Variants in DLC1 observed in about 807,000 individuals in gnomAD.
The protein encoded by DLC1 is DLC1 Rho GTPase activating protein.
A neutral mutation model predicts 140.3 loss-of-function variants in DLC1; 54 were observed. The observed-to-expected ratio is 0.38, with a 90% confidence interval of 0.31 to 0.48. The LOEUF is 0.48. Ranked by LOEUF, DLC1 falls within the 20% of genes least tolerant of loss-of-function variation. DLC1 has a pLI of 0.96. For synonymous variants in DLC1, 986 were observed against 728.1 expected, an observed-to-expected ratio of 1.35 and a Z score of -5.70; for missense variants, 2,536 against 1,907.0, an observed-to-expected ratio of 1.33 and a Z score of -6.14.
chr8:13,566,742 C>A, intron 1 of DLC1: 1 of 496,754 alleles, frequency 2.0e-6, no homozygotes, highest in East Asian at 3.2e-5. Context: ...ATCGCCAACC[C>A]GGCGCAAGCA....
chr8:13,411,305 AGTCTGAC>A (rs1563324903), intron 2 of DLC1, among the ~76,000 whole-genome samples: 1 of 152,232 alleles, frequency 6.6e-6, no homozygotes, highest in Non-Finnish European at 1.5e-5. Context: ...GAAAGAAGTC[AGTCTGAC>A]GAGCTATCTA....
chr8:13,352,543 G>T (rs926996563), intron 4 of DLC1, among the ~76,000 whole-genome samples: 1 of 151,842 alleles, frequency 6.6e-6, no homozygotes, highest in African/African-American at 2.4e-5. Flanking sequence ...CACCATGCCT[G>T]ACTCATTTTT....
intron 2 of DLC1, among the ~76,000 whole-genome samples, chr8:13,490,034 T>C (rs776556359): frequency 2.2e-4 from 21 of 94,718 alleles, no homozygotes; most frequent in Non-Finnish European, 4.1e-4. Context: ...CATGAAAGGC[T>C]CACAAAGGTT....
intron 2 of DLC1, among the ~76,000 whole-genome samples, chr8:13,479,197 A>G (rs1800571018): frequency 6.6e-6 from 1 of 152,214 alleles, no homozygotes; most frequent in African/African-American, 2.4e-5. Flanking sequence ...TAAGCACTTA[A>G]TATTTGTTTG....
chr8:13,572,182 C>G (rs1458802537), intron 1 of DLC1, among the ~76,000 whole-genome samples: 6 of 151,546 alleles, frequency 4.0e-5, no homozygotes, highest in Admixed American at 3.9e-4. Context: ...CTCCACCTCC[C>G]GGGTTCACAC....
chr8:13,416,637 C>G (rs186057857), intron 2 of DLC1, among the ~76,000 whole-genome samples: 1 of 152,210 alleles, frequency 6.6e-6, no homozygotes. Flanking sequence ...AAATCTCTAA[C>G]AAATAGGAAA....
At chr8:13,532,271 A>C (rs768695326) in intron 1 of DLC1, among the ~76,000 whole-genome samples, 1 of 152,112 alleles carries the variant, frequency 6.6e-6, no homozygotes, top group South Asian at 2.1e-4. Flanking sequence ...TCCTGTCTAA[A>C]AACAACAACA....
At position 13,385,969 on chromosome 8, in the gene DLC1, GTTA is replaced by G. The variant is rs1836503507; in HGVS notation, c.1314+7581_1314+7583del. Among the ~76,000 whole-genome samples the G allele has an allele frequency of 2.6e-5, 4 of 152,274 alleles. No individual in the cohort carries two copies. In the East Asian group the frequency reaches 5.8e-4, roughly 22 times the overall value. On this transcript the variant is annotated intron_variant, in intron 4 of 17. Coordinates refer to ENST00000276297, the MANE Select transcript of DLC1 (RefSeq NM_182643.3). ...TGAAGACTGTGAAAATGGCTTACCA[GTTA>G]TTATTACTCCTCAGTGCTATGAATT...
chr8:13,395,465 G>T (rs780317744), intron 3 of DLC1, among the ~76,000 whole-genome samples: 4 of 152,082 alleles, frequency 2.6e-5, no homozygotes, highest in African/African-American at 4.8e-5. Context: ...TCTATGCATC[G>T]CAAGAGTAAG....
chr8:13,573,238 T>A (rs1460630990), intron 1 of DLC1, among the ~76,000 whole-genome samples: 1 of 152,192 alleles, frequency 6.6e-6, no homozygotes, highest in Non-Finnish European at 1.5e-5. Flanking sequence ...TAAATTAAAT[T>A]TTTTTAAAAA....
chr8:13,503,004 A>C (rs1801888404), intron 1 of DLC1, among the ~76,000 whole-genome samples: 1 of 152,210 alleles, frequency 6.6e-6, no homozygotes, highest in East Asian at 1.9e-4. Flanking sequence ...GAAATTTCCA[A>C]ATTTGTGATA....
Position 13,098,465 on chromosome 8 carries a change from T to G in DLC1, c.3101A>C (p.Tyr1034Ser). 6.2e-7 allele frequency: 1 copy of G among 1,614,108 alleles called. No homozygotes were observed. The part of the protein sequence containing the change: ...SVAQMNLLQK[Y>S]SLLKLTALLE... ...CAGGGCCGTTAGCTTTAGGAGTGAG[T>G]ATTTCTGCAGCAGGTTCATCTGGGC... The change falls in exon 10 of 18, where the codon TAC (tyrosine) becomes TCC (serine). Residue 1034 changes from tyrosine (Y) to serine (S), a missense_variant. Transcript: ENST00000276297.
intron 2 of DLC1, among the ~76,000 whole-genome samples, chr8:13,497,163 T>C (rs1021713723): frequency 4.6e-5 from 7 of 152,194 alleles, no homozygotes; most frequent in African/African-American, 7.2e-5. Context: ...ACATGCAATA[T>C]AGTGATGAAC....
At chr8:13,602,522 G>A (rs905074480) in intron 1 of DLC1, among the ~76,000 whole-genome samples, 15 of 151,878 alleles carry the variant, frequency 9.9e-5, no homozygotes, top group African/African-American at 2.6e-4. Context: ...ATGACATGAT[G>A]TCTAGGGTTT....
chr8:13,530,929 G>A (rs921793775), intron 1 of DLC1, among the ~76,000 whole-genome samples: 1 of 152,158 alleles, frequency 6.6e-6, no homozygotes, highest in Non-Finnish European at 1.5e-5. Flanking sequence ...AACTTCACAT[G>A]CTGAAGCTTT....
chr8:13,090,523 C>G, intron 14 of DLC1, 53 bp from the exon 15 acceptor site: 1 of 1,590,134 alleles, frequency 6.3e-7, no homozygotes, highest in Non-Finnish European at 8.6e-7. Context: ...TACTCAATCT[C>G]AATGCCCATC....
rs568894544 is a variant in DLC1 at position 13,151,796 on chromosome 8, G to T, written c.1349-36139C>A. Among the ~76,000 whole-genome samples, 6 of 152,232 alleles carry T rather than the reference G, an allele frequency of 3.9e-5. No homozygotes were observed. In the East Asian group the frequency reaches 1.2e-3, roughly 29 times the overall value. On this transcript the variant is annotated intron_variant, in intron 5 of 17. Transcript: ENST00000276297. ...GTCTGAAGGACAGGGGTTGGGGAAAGACTTTTTATTCCATACTATATTACA... is the reference window on the plus strand; with the variant it reads ...GTCTGAAGGACAGGGGTTGGGGAAATACTTTTTATTCCATACTATATTACA...
chr8:13,085,975 G>A, intron 17 of DLC1, 44 bp from the exon 18 acceptor site: 1 of 1,601,566 alleles, frequency 6.2e-7, no homozygotes, highest in Non-Finnish European at 8.5e-7. Flanking sequence ...ATTTAAGTTA[G>A]AAAGCATGGA....
At chr8:13,335,484 T>C (rs1833779707) in intron 4 of DLC1, among the ~76,000 whole-genome samples, 1 of 152,202 alleles carries the variant, frequency 6.6e-6, no homozygotes, top group Admixed American at 6.5e-5. Flanking sequence ...CTCATATTTA[T>C]CGTCAAGGCA....
Sources: allele counts gnomAD v4.1 joint callset (sites outside exome capture counted in the v4.1 genomes callset), GRCh38; gene constraint gnomAD v4.1.1; transcripts MANE v1.5; gene names NCBI Gene and HGNC (gene_info 2026-07-23, HGNC 2026-07-21).